Variants in SERPING1 observed in about 807,000 individuals in gnomAD.
SERPING1 encodes the protein serpin family G member 1.
A neutral mutation model predicts 34.1 loss-of-function variants in SERPING1; 5 were observed. The ratio of observed to expected loss-of-function variants is 0.15; its 90% confidence interval spans 0.08 to 0.31. SERPING1 has a LOEUF of 0.31. Among genes scored for constraint, SERPING1 ranks in the 10% least tolerant of loss-of-function variants. The pLI is 1.00. For missense variants in SERPING1, 505 were observed against 609.5 expected, an observed-to-expected ratio of 0.83 and a Z score of 1.81; for synonymous variants, 225 against 242.4, an observed-to-expected ratio of 0.93 and a Z score of 0.67.
chr11:57,601,258 A>G (rs1945344732), intron 3 of SERPING1, among the ~76,000 whole-genome samples: 2 of 150,968 alleles, frequency 1.3e-5, no homozygotes, highest in South Asian at 2.1e-4. Context: ...GAAATTAGCT[A>G]GGCATGGTGG....
chr11:57,598,201 C>G lies in SERPING1; in HGVS notation c.-22-48C>G, dbSNP rs937752655. On this transcript the variant is annotated intron_variant, in intron 1 of 7. Coordinates refer to ENST00000278407, the MANE Select transcript of SERPING1 (RefSeq NM_000062.3). ...CGGGCCCCGGGCGGGGTGGGGGCCC[C>G]TGGGCTCCCAGGGTGGGAGCTGGCT... The G allele has an allele frequency of 4.0e-6, 6 of 1,483,936 alleles. No individual in the cohort carries two copies. The African/African-American group carries it at 8.4e-5, about 21-fold the overall frequency. The allele number at this position is 1,483,936 out of a possible 1,614,324, so 91.9% of individuals were successfully genotyped here.
At chr11:57,611,544 G>T in intron 6 of SERPING1, 173 bp from the exon 7 acceptor site, 1 of 697,274 alleles carries the variant, frequency 1.4e-6, no homozygotes, top group Non-Finnish European at 2.6e-6. Flanking sequence ...GATCAGCACT[G>T]TTCACCCAGC....
intron 6 of SERPING1, among the ~76,000 whole-genome samples, chr11:57,610,771 A>C (rs1180026235): frequency 6.6e-6 from 1 of 152,184 alleles, no homozygotes; most frequent in African/African-American, 2.4e-5. Flanking sequence ...CTGTGTGCAC[A>C]TCCTCCTTGC....
chr11:57,614,277 TGA>T (rs1565173990), intron 7 of SERPING1, 49 bp from the exon 8 acceptor site: 1 of 1,606,974 alleles, frequency 6.2e-7, no homozygotes, highest in Non-Finnish European at 8.5e-7. Context: ...CTCCATCAGC[TGA>T]GGGTATCATG....
At chr11:57,600,878 G>A (rs1265119129) in intron 3 of SERPING1, among the ~76,000 whole-genome samples, 1 of 151,908 alleles carries the variant, frequency 6.6e-6, no homozygotes, top group Non-Finnish European at 1.5e-5. Context: ...TTGAACCCAG[G>A]AGGTGGAGGT....
intron 4 of SERPING1, chr11:57,605,728 GA>G (rs1945401382): frequency 1.0e-5 from 5 of 477,438 alleles, no homozygotes; most frequent in Non-Finnish European, 1.9e-5. Flanking sequence ...TAGGCAAATG[GA>G]ATTTAATATC....
At chr11:57,612,062 C>T in intron 7 of SERPING1, 126 bp downstream of exon 7, 1 of 822,420 alleles carries the variant, frequency 1.2e-6, no homozygotes, top group Admixed American at 2.0e-5. Flanking sequence ...TGCAACCCTG[C>T]AAGTTAGAGG....
At chr11:57,604,412 C>G (rs753309631) in intron 4 of SERPING1, among the ~76,000 whole-genome samples, 8 of 151,954 alleles carry the variant, frequency 5.3e-5, no homozygotes, top group Non-Finnish European at 1.2e-4. Context: ...AGCCCTAGGA[C>G]TTTGCAAAGC....
chr11:57,610,379 T>A (rs1013661331), intron 6 of SERPING1, among the ~76,000 whole-genome samples: 3 of 152,178 alleles, frequency 2.0e-5, no homozygotes, highest in Admixed American at 2.0e-4. Context: ...CTTCAGAGAT[T>A]CAAGGTTCAT....
rs141593943 is a variant in SERPING1, at chr11:57,606,001, T to C, written c.686-9T>C. 4.7e-4 allele frequency: 754 copies of C among 1,613,500 alleles called. 5 individuals carry two copies. The East Asian group carries it at 0.013, about 28-fold the overall frequency. Reference sequence around the variant, plus strand: ...GGACTCATGCCTCCCTTTCTCAACATACCCCCAGACCTGGCCATAAGGGAC... The same window carrying C: ...GGACTCATGCCTCCCTTTCTCAACACACCCCCAGACCTGGCCATAAGGGAC... On this transcript the variant is annotated splice_polypyrimidine_tract_variant and intron_variant, in intron 4 of 7. Coordinates refer to ENST00000278407, the MANE Select transcript of SERPING1 (RefSeq NM_000062.3).
At position 57,606,546 on chromosome 11, in the gene SERPING1, A is replaced by C; in HGVS notation, c.1028A>C (p.Lys343Thr). The C allele has an allele frequency of 1.2e-6, 2 of 1,614,150 alleles. No homozygotes were observed. The highest frequency in any genetic ancestry group is 1.7e-6 in the Non-Finnish European group (2 of 1,180,040). ...AHFIDQTLKA[K>T]VGQLQLSHNL... is the part of the protein sequence containing the mutation. Reference sequence around the variant, plus strand: ...TTCATTGACCAAACTTTGAAAGCCAAGGTAAGTTCTTAACCTTTCCTTCTC... The same window carrying C: ...TTCATTGACCAAACTTTGAAAGCCACGGTAAGTTCTTAACCTTTCCTTCTC... Residue 343 changes from lysine (K) to threonine (T), a missense_variant and splice_region_variant, in exon 6 of 8, where the codon AAG becomes ACG. Lys to Thr is a moderately conservative substitution (Grantham distance 78, BLOSUM62 -1). Coordinates refer to ENST00000278407, the MANE Select transcript of SERPING1 (RefSeq NM_000062.3).
rs546418570 is a variant in SERPING1, at chr11:57,605,625, CA to C, written c.686-381del. The C allele has an allele frequency of 1.3e-4, 27 of 209,188 alleles. No individual in the cohort carries two copies. The South Asian group carries it at 1.8e-3, about 14-fold the overall frequency. 13.0% of individuals were successfully genotyped at this position (209,188 alleles called of 1,614,324 possible). A position where few individuals can be genotyped will look rare whatever the true frequency, so the allele number is the denominator to read the frequency against. On this transcript the variant is annotated intron_variant, in intron 4 of 7. Transcript: ENST00000278407. ...CAGTGGACTGAAGGCTTTTGCAGAG[CA>C]AAAGCCAGGAAGTTTTGTCACAAAC...
chr11:57,599,938 G>A lies in SERPING1; in HGVS notation c.111G>A (p.Leu37=), dbSNP rs755958167. The A allele has an allele frequency of 3.7e-6, 6 of 1,614,090 alleles. No individual in the cohort carries two copies. Among genetic ancestry groups the A allele is most frequent in the South Asian group, 3.3e-5 (3 of 91,086 alleles). The change falls in exon 3 of 8, where the codon TTG becomes TTA. Residue 37 remains leucine (L), a synonymous_variant. Coordinates refer to ENST00000278407, the MANE Select transcript of SERPING1 (RefSeq NM_000062.3). ...TSSSSQDPES[L]QDRGEGKVAT... ...CCAGCTCCCAGGATCCAGAGAGTTT[G>A]CAAGACAGAGGCGAAGGGAAGGTCG...
chr11:57,607,408 TA>T (rs771661412), intron 6 of SERPING1, among the ~76,000 whole-genome samples: 1 of 152,208 alleles, frequency 6.6e-6, no homozygotes, highest in Non-Finnish European at 1.5e-5. Flanking sequence ...CCTGTTTTAT[TA>T]TATTCATTAC....
At chr11:57,606,323 A>C in intron 5 of SERPING1, 85 bp from the exon 6 acceptor site, 1 of 1,598,022 alleles carries the variant, frequency 6.3e-7, no homozygotes, top group South Asian at 1.1e-5. Flanking sequence ...ATGTCCCTGC[A>C]CTACTCTTTG....
At chr11:57,611,441 C>A (rs1945475158) in intron 6 of SERPING1, 1 of 519,710 alleles carries the variant, frequency 1.9e-6, no homozygotes, top group Non-Finnish European at 3.5e-6. Context: ...GAAATCAAAT[C>A]ACTTGCCCAT....
At chr11:57,600,508 G>T in intron 3 of SERPING1, 131 bp downstream of exon 3, 1 of 954,856 alleles carries the variant, frequency 1.0e-6, no homozygotes, top group Non-Finnish European at 1.7e-6. Context: ...TTGGGGGTGG[G>T]GTAGAGGGAT....
intron 7 of SERPING1, among the ~76,000 whole-genome samples, chr11:57,613,610 G>A (rs991339173): frequency 4.6e-5 from 7 of 152,182 alleles, no homozygotes; most frequent in Non-Finnish European, 1.0e-4. Context: ...GTGGAGTTCT[G>A]TTTGCTACCT....
At position 57,606,048 on chromosome 11, in the gene SERPING1, A is replaced by G. The variant is rs555248346; in HGVS notation, c.724A>G (p.Thr242Ala). 1 of 1,614,084 alleles carries G rather than the reference A, an allele frequency of 6.2e-7. No individual in the cohort carries two copies. Among genetic ancestry groups the G allele is most frequent in the African/African-American group, 1.3e-5 (1 of 74,994 alleles). Reference protein sequence around the residue: ...IRDTFVNASRTLYSSSPRVLS... With the variant: ...IRDTFVNASRALYSSSPRVLS... The stretch of plus-strand genomic sequence containing the variant: ...GGACACCTTTGTGAATGCCTCTCGG[A>G]CCCTGTACAGCAGCAGCCCCAGAGT... The change falls in exon 5 of 8, where the codon ACC (threonine) becomes GCC (alanine). Residue 242 changes from threonine to alanine, a missense_variant. Physicochemically the swap from Thr to Ala is moderately conservative, Grantham distance 58. Coordinates refer to ENST00000278407, the MANE Select transcript of SERPING1 (RefSeq NM_000062.3).
Sources: gnomAD v4.1 joint callset for allele counts (sites outside exome capture counted in the v4.1 genomes callset) on GRCh38, gnomAD v4.1.1 for gene constraint, MANE v1.5 for transcripts, NCBI Gene and HGNC (gene_info 2026-07-23, HGNC 2026-07-21) for gene names.